The following ZC3H12B variants were observed in gnomAD, a reference collection of about 807,000 sequenced individuals.
ZC3H12B encodes the protein probable ribonuclease ZC3H12B.
In ZC3H12B, 7 loss-of-function variants were observed where a neutral mutation model predicts 43.9. The observed-to-expected ratio is 0.16, with a 90% CI of 0.09 to 0.30. The LOEUF is 0.30. Among genes scored for constraint, ZC3H12B ranks in the 10% least tolerant of loss-of-function variants. ZC3H12B has a pLI of 1.00. For missense variants in ZC3H12B, 475 were observed against 670.2 expected, an observed-to-expected ratio of 0.71 and a Z score of 3.22; for synonymous variants, 222 against 241.7, an observed-to-expected ratio of 0.92 and a Z score of 0.76.
At chrX:65,175,907 T>G in the ZC3H12B span, among the ~76,000 whole-genome samples, 1 of 112,204 alleles carries the variant, frequency 8.9e-6, no homozygotes, top group African/African-American at 3.2e-5. Flanking sequence ...ACCAGGAGAT[T>G]CCCACAGGTG....
At chrX:65,443,399 C>A (rs931827947) in intron 3 of ZC3H12B, among the ~76,000 whole-genome samples, 8 of 111,110 alleles carry the variant, frequency 7.2e-5, no homozygotes, top group Non-Finnish European at 1.5e-4. Flanking sequence ...AACCCAGAGG[C>A]GCTAGAGGAA....
At chrX:65,107,581 T>C in the ZC3H12B span, among the ~76,000 whole-genome samples, 1 of 111,344 alleles carries the variant, frequency 9.0e-6, no homozygotes, top group Non-Finnish European at 1.9e-5. Context: ...CACCTTGAAT[T>C]GTAGTTCCCA....
At chrX:65,093,075 C>T in the ZC3H12B span, among the ~76,000 whole-genome samples, 1 of 112,010 alleles carries the variant, frequency 8.9e-6, no homozygotes, top group African/African-American at 3.2e-5. Flanking sequence ...CCAGCTGTGT[C>T]TCAAAAGGGC....
the ZC3H12B span, among the ~76,000 whole-genome samples, chrX:65,145,136 T>C: frequency 9.0e-6 from 1 of 111,648 alleles, no homozygotes; most frequent in African/African-American, 3.3e-5. Context: ...GTTTTATAAA[T>C]GTGGGAGCAC....
intron 2 of ZC3H12B, among the ~76,000 whole-genome samples, chrX:65,378,013 G>A (rs927828890): frequency 9.0e-6 from 1 of 110,728 alleles, no homozygotes; most frequent in Non-Finnish European, 1.9e-5. Flanking sequence ...GCAGGAGAAT[G>A]GCATGAACCT....
chrX:65,179,466 A>G, the ZC3H12B span, among the ~76,000 whole-genome samples: 2 of 111,034 alleles, frequency 1.8e-5, no homozygotes, highest in Non-Finnish European at 3.8e-5. Flanking sequence ...TTCAAAAGCT[A>G]GCAGAAGACA....
At chrX:65,245,335 C>T in the ZC3H12B span, among the ~76,000 whole-genome samples, 1 of 111,885 alleles carries the variant, frequency 8.9e-6, no homozygotes, top group Non-Finnish European at 1.9e-5. Flanking sequence ...CTCCCTAACT[C>T]ATTCTATGAG....
At chrX:65,077,816 A>C in the ZC3H12B span, among the ~76,000 whole-genome samples, 2 of 112,175 alleles carry the variant, frequency 1.8e-5, no homozygotes, top group Admixed American at 9.4e-5. Context: ...GGAGGTAAAA[A>C]GAAAACTCAG....
At chrX:65,227,699 A>T in the ZC3H12B span, among the ~76,000 whole-genome samples, 1 of 111,156 alleles carries the variant, frequency 9.0e-6, no homozygotes, top group Non-Finnish European at 1.9e-5. Context: ...GATAAAGGGG[A>T]TATCACCACC....
chrX:65,482,375 C>A (rs749151043), intron 3 of ZC3H12B, among the ~76,000 whole-genome samples: 1 of 110,650 alleles, frequency 9.0e-6, no homozygotes, highest in Non-Finnish European at 1.9e-5. Context: ...TAGAAGTGGG[C>A]GTGTTTTCTG....
intron 3 of ZC3H12B, among the ~76,000 whole-genome samples, chrX:65,450,746 T>C (rs866521636): frequency 1.7e-4 from 9 of 51,620 alleles, no homozygotes; most frequent in South Asian, 1.1e-3. Context: ...TATATATATA[T>C]ACATATGTGT....
Position 65,415,843 on chromosome X carries a change from CT to C in ZC3H12B, n.407+17141del, listed in dbSNP as rs754841897. ...TGTGGATATTACATGAAAAAATTAA[CT>C]TGCTTTTGAATTTTCAGTTATCATT... On this transcript the variant is annotated intron_variant and non_coding_transcript_variant, in intron 3 of 5. Coordinates refer to the ZC3H12B transcript ENST00000617377. Among the ~76,000 whole-genome samples, 45 of 112,024 alleles carry C rather than the reference CT, an allele frequency of 4.0e-4. 1 individual carries two copies. The highest frequency in any genetic ancestry group is 1.1e-3 in the South Asian group (3 of 2,687).
At position 65,479,702 on chromosome X, in the gene ZC3H12B, G is replaced by A. The variant is rs145460614; in HGVS notation, n.408-8944G>A. Among the ~76,000 whole-genome samples, 281 of 111,898 alleles carry A rather than the reference G, an allele frequency of 2.5e-3. 2 individuals carry two copies. The highest frequency in any genetic ancestry group is 8.6e-3 in the African/African-American group (264 of 30,824). ...CTATTTGGATTATTGAAAACCTTTC[G>A]TTAAGTTCCAGATGTCACCAGTGGA... On this transcript the variant is annotated intron_variant and non_coding_transcript_variant, in intron 3 of 5. Transcript: ENST00000617377.
chrX:65,049,337 T>G, the ZC3H12B span, among the ~76,000 whole-genome samples: 794 of 111,593 alleles, frequency 7.1e-3, 6 homozygotes, highest in African/African-American at 0.024. Flanking sequence ...CATATTGAGT[T>G]GATTTTTGTA....
the ZC3H12B span, among the ~76,000 whole-genome samples, chrX:65,041,493 A>G: frequency 3.6e-5 from 4 of 112,241 alleles, no homozygotes; most frequent in African/African-American, 1.3e-4. Context: ...AATCAGAGCC[A>G]TTAACTGTAT....
chrX:65,450,759 A>G (rs2067483478), intron 3 of ZC3H12B, among the ~76,000 whole-genome samples: 1 of 66,418 alleles, frequency 1.5e-5, no homozygotes, highest in Non-Finnish European at 2.4e-5. Context: ...ATATGTGTAT[A>G]TATGTATATG....
At chrX:65,110,916 G>A in the ZC3H12B span, among the ~76,000 whole-genome samples, 2 of 111,059 alleles carry the variant, frequency 1.8e-5, no homozygotes, top group Non-Finnish European at 3.8e-5. Flanking sequence ...TCAGCATTGT[G>A]TAGTTTTCAG....
the ZC3H12B span, among the ~76,000 whole-genome samples, chrX:65,137,515 A>G: frequency 8.9e-6 from 1 of 112,160 alleles, no homozygotes; most frequent in African/African-American, 3.2e-5. Context: ...TCTCTGTTTA[A>G]TGCAATTTAA....
chrX:65,354,199 A>T, the ZC3H12B span, among the ~76,000 whole-genome samples: 1 of 111,977 alleles, frequency 8.9e-6, no homozygotes, highest in African/African-American at 3.2e-5. Context: ...GGGTCGACAG[A>T]CATCTTGTAC....
Sources: gnomAD v4.1 joint callset for allele counts (sites outside exome capture counted in the v4.1 genomes callset) on GRCh38, gnomAD v4.1.1 for gene constraint, MANE v1.5 for transcripts, NCBI Gene and HGNC (gene_info 2026-07-23, HGNC 2026-07-21) for gene names.